NEK10: variants seen among roughly 807,000 people sequenced by gnomAD.
NEK10 encodes the protein serine/threonine-protein kinase Nek10.
In NEK10, 122 loss-of-function variants were observed where a neutral mutation model predicts 159.8. The ratio of observed to expected loss-of-function variants is 0.76; its 90% CI spans 0.66 to 0.89. The LOEUF (loss-of-function observed/expected upper bound fraction) is 0.89, where lower values mean the gene tolerates loss of function less well. Ranked by LOEUF, NEK10 falls within the 40% of genes least tolerant of loss-of-function variation. The pLI is 0.00. For missense variants in NEK10, 1,342 were observed against 1,323.1 expected, an observed-to-expected ratio of 1.01 and a Z score of -0.22; for synonymous variants, 466 against 457.1, an observed-to-expected ratio of 1.02 and a Z score of -0.25.
At chr3:27,342,409 C>T (rs1369028182) in intron 5 of NEK10, among the ~76,000 whole-genome samples, 3 of 152,138 alleles carry the variant, frequency 2.0e-5, no homozygotes, top group African/African-American at 7.2e-5. Context: ...ATCTTTTACC[C>T]AATGCCTTTA....
At chr3:27,292,468 C>A (rs1030729294) in intron 16 of NEK10, among the ~76,000 whole-genome samples, 1 of 152,140 alleles carries the variant, frequency 6.6e-6, no homozygotes, top group African/African-American at 2.4e-5. Flanking sequence ...TCCCAAGACA[C>A]TGGTTTCAAG....
At position 27,287,869 on chromosome 3, in the gene NEK10, A is replaced by C. The variant is rs1703980138; in HGVS notation, c.1744-126T>G. On this transcript the variant is annotated intron_variant, in intron 19 of 35. Coordinates refer to ENST00000691995, the MANE Select transcript of NEK10 (RefSeq NM_001394966.1). ...ATTATATTTATTTACAAAACTAAGC[A>C]TTTCAAGATATCATCGAACTGAGAT... The C allele has an allele frequency of 5.8e-6, 6 of 1,027,076 alleles. No individual in the cohort carries two copies. The Admixed American group carries it at 2.6e-4, about 44-fold the overall frequency. The allele number at this position is 1,027,076 out of a possible 1,614,324, so 63.6% of individuals were successfully genotyped here.
chr3:27,301,101 G>C (rs973771351), intron 13 of NEK10, among the ~76,000 whole-genome samples: 1 of 152,128 alleles, frequency 6.6e-6, no homozygotes, highest in South Asian at 2.1e-4. Flanking sequence ...ATAGCACTCA[G>C]ACCGCACTGT....
chr3:27,156,815 ATCATAATACAAAAAAGATACTTGCCCATG>A (rs1945480830), intron 30 of NEK10, among the ~76,000 whole-genome samples: 3 of 150,808 alleles, frequency 2.0e-5, no homozygotes, highest in Non-Finnish European at 4.4e-5. Context: ...AGGAAAAGAT[ATCATAATACAAAAAAGATACTTGCCCATG>A]CATGTTTGTA....
chr3:27,259,237 T>A (rs2040179829), intron 22 of NEK10, among the ~76,000 whole-genome samples: 1 of 152,242 alleles, frequency 6.6e-6, no homozygotes, highest in Non-Finnish European at 1.5e-5. Flanking sequence ...ATTTCACTTG[T>A]CAATTTTGGC....
chr3:27,200,676 T>C (rs1458675332), intron 25 of NEK10, among the ~76,000 whole-genome samples: 2 of 152,150 alleles, frequency 1.3e-5, no homozygotes, highest in African/African-American at 2.4e-5. Context: ...TGTATGCACA[T>C]GTATAATATG....
rs71091113 is a variant in NEK10 at position 27,194,125 on chromosome 3, C to CT, written c.2292-1884dup. The CT allele has an allele frequency of 5.2e-3, 672 of 128,154 alleles. 5 individuals carry two copies. Among genetic ancestry groups the CT allele is most frequent in the East Asian group, 0.015 (69 of 4,530 alleles). 7.9% of individuals were successfully genotyped at this position (128,154 alleles called of 1,614,324 possible). ...CCTGCTTAGGCATTTCAGAGAAATT[C>CT]TTTTTTTTTTTTTTTTTTGAGACGG... On this transcript the variant is annotated intron_variant, in intron 25 of 35. Transcript: ENST00000691995.
intron 22 of NEK10, among the ~76,000 whole-genome samples, chr3:27,274,441 T>C (rs142764703): frequency 4.3e-4 from 66 of 152,288 alleles, no homozygotes; most frequent in African/African-American, 1.5e-3. Flanking sequence ...ATAGACACTG[T>C]ATCTGGGGTT....
chr3:27,207,730 A>T (rs1426242846), intron 23 of NEK10, among the ~76,000 whole-genome samples: 13 of 152,088 alleles, frequency 8.5e-5, no homozygotes, highest in Non-Finnish European at 1.6e-4. Context: ...TCACACCTTC[A>T]TCTCCCGGGA....
In NEK10 at chr3:27,109,378, TA is replaced by T. The variant is rs369638958; in HGVS notation, c.*1893del. Among the ~76,000 whole-genome samples, 1,791 of 117,224 alleles carry T rather than the reference TA, an allele frequency of 0.015. 30 individuals carry two copies. The highest frequency in any genetic ancestry group is 0.048 in the African/African-American group (1,530 of 31,954). The allele number at this position is 117,224 out of a possible 152,430, so 76.9% of individuals were successfully genotyped here. ...TGGGCAACAGAGTGAGACTCTGTCTTAAAAAAAAAAAAAAAAAAAAAGAGTT... is the reference window on the plus strand; with the variant it reads ...TGGGCAACAGAGTGAGACTCTGTCTTAAAAAAAAAAAAAAAAAAAAGAGTT... On this transcript the variant is annotated 3_prime_UTR_variant, in exon 36 of 36. Coordinates refer to ENST00000691995, the MANE Select transcript of NEK10 (RefSeq NM_001394966.1).
chr3:27,195,782 G>A (rs1249346573), intron 25 of NEK10, among the ~76,000 whole-genome samples: 5 of 152,156 alleles, frequency 3.3e-5, no homozygotes, highest in Non-Finnish European at 5.9e-5. Flanking sequence ...AGGTCCTTCT[G>A]TAATCTCTCA....
In NEK10 at chr3:27,251,069, C is replaced by T. The variant is rs572910710; in HGVS notation, c.2090+5227G>A. Among the ~76,000 whole-genome samples the T allele has an allele frequency of 3.3e-5, 5 of 152,272 alleles. No homozygotes were observed. In the South Asian group the frequency reaches 1.0e-3, roughly 32 times the overall value. On this transcript the variant is annotated intron_variant, in intron 23 of 35. Transcript: ENST00000691995. ...GCCAGGCACTGTTCCCAGCATGTGA[C>T]ATGTATCACCTCATTTAATCTCACA...
chr3:27,208,009 G>A (rs915412806), intron 23 of NEK10, among the ~76,000 whole-genome samples: 2 of 152,142 alleles, frequency 1.3e-5, no homozygotes, highest in Non-Finnish European at 2.9e-5. Flanking sequence ...AATAAAATGT[G>A]TGTGTGTGTA....
At position 27,119,029 on chromosome 3, in the gene NEK10, G is replaced by C. The variant is rs150970592; in HGVS notation, c.3190+731C>G. Among the ~76,000 whole-genome samples, 27 of 152,294 alleles carry C rather than the reference G, an allele frequency of 1.8e-4. No individual in the cohort carries two copies. In the East Asian group the frequency reaches 4.8e-3, roughly 27 times the overall value. On this transcript the variant is annotated intron_variant, in intron 33 of 35. Transcript: ENST00000691995. ...TTTATAAAGATTCAAAAATTATTTA[G>C]GAGTACTGAAACCTCAGAGTAGCTT... is the stretch of plus-strand genomic sequence containing the variant.
intron 22 of NEK10, among the ~76,000 whole-genome samples, chr3:27,280,552 G>A (rs1035088541): frequency 1.3e-5 from 2 of 152,128 alleles, no homozygotes; most frequent in South Asian, 2.1e-4. Flanking sequence ...GTTTGTTGAC[G>A]CTGCTCAGAA....
intron 6 of NEK10, 22 bp downstream of exon 6, chr3:27,322,155 A>T: frequency 2.2e-6 from 3 of 1,337,912 alleles, no homozygotes; most frequent in East Asian, 5.0e-5. Flanking sequence ...GTAAAAAAAA[A>T]AATTGTATTT....
At chr3:27,186,193 A>G (rs1476358971) in intron 26 of NEK10, among the ~76,000 whole-genome samples, 1 of 152,250 alleles carries the variant, frequency 6.6e-6, no homozygotes, top group African/African-American at 2.4e-5. Context: ...GATCTCCAGC[A>G]AATGGGTGTG....
intron 1 of NEK10, among the ~76,000 whole-genome samples, chr3:27,362,637 C>T (rs1186892689): frequency 2.0e-5 from 3 of 150,946 alleles, no homozygotes; most frequent in Non-Finnish European, 4.4e-5. Flanking sequence ...ATTACTTTTG[C>T]GCCAACCTAA....
rs558569376 is a variant in NEK10 at position 27,283,174 on chromosome 3, T to C, written c.2014+1428A>G. Among the ~76,000 whole-genome samples the C allele has an allele frequency of 4.6e-5, 7 of 152,248 alleles. No homozygotes were observed. The East Asian group carries it at 1.4e-3, about 29-fold the overall frequency. On this transcript the variant is annotated intron_variant, in intron 22 of 35. Coordinates refer to ENST00000691995, the MANE Select transcript of NEK10 (RefSeq NM_001394966.1). ...TGTTGTTATAGCAAATGTGTACATT[T>C]GGAATTGCCTTCATGGGTACTGAAA...
Sources: allele counts gnomAD v4.1 joint callset (sites outside exome capture counted in the v4.1 genomes callset), GRCh38; gene constraint gnomAD v4.1.1; transcripts MANE v1.5; gene names NCBI Gene and HGNC (gene_info 2026-07-23, HGNC 2026-07-21).